The following SLC18A1 variants were observed in gnomAD, a reference collection of about 807,000 sequenced individuals.
SLC18A1 encodes the protein chromaffin granule amine transporter.
SLC18A1 carries 69 observed loss-of-function variants against 53.7 expected under a neutral mutation model. The observed-to-expected ratio is 1.28, with a 90% CI of 1.06 to 1.57. SLC18A1 has a LOEUF of 1.57. Among genes scored for constraint, SLC18A1 ranks in the 40% most tolerant of loss-of-function variants. The probability of loss-of-function intolerance (pLI) is 0.00; values close to 1 mark genes in which losing one functional copy is unlikely to be tolerated. For missense variants in SLC18A1, 932 were observed against 668.1 expected (o/e 1.40, Z -4.35); for synonymous variants, 320 against 248.1 (o/e 1.29, Z -2.72).
At chr8:20,170,912 A>G (rs2072098098) in intron 8 of SLC18A1, among the ~76,000 whole-genome samples, 191 bp downstream of exon 8, 1 of 152,200 alleles carries the variant, frequency 6.6e-6, no homozygotes, top group Non-Finnish European at 1.5e-5. Flanking sequence ...TTTGTCCAAC[A>G]TCAAGCCAAA....
At chr8:20,165,814 C>A (rs930484141) in intron 8 of SLC18A1, among the ~76,000 whole-genome samples, 1 of 152,128 alleles carries the variant, frequency 6.6e-6, no homozygotes, top group African/African-American at 2.4e-5. Context: ...TTAAATGGCT[C>A]CTTCTTTTCT....
intron 4 of SLC18A1, chr8:20,175,484 C>T (rs144554312): frequency 4.1e-4 from 63 of 152,250 alleles, no homozygotes; most frequent in African/African-American, 1.2e-3. Context: ...GCAGTAAAGA[C>T]AAGTGTGAGA....
At chr8:20,167,665 G>C (rs908328174) in intron 8 of SLC18A1, among the ~76,000 whole-genome samples, 39 of 151,948 alleles carry the variant, frequency 2.6e-4, no homozygotes, top group African/African-American at 9.2e-4. Context: ...CTGTAGCCCA[G>C]ACTGGAGTGC....
Position 20,145,717 on chromosome 8 carries a change from G to A in SLC18A1, c.*46C>T, listed in dbSNP as rs1341127017. 3 of 1,247,366 alleles carry A rather than the reference G, an allele frequency of 2.4e-6. No homozygotes were observed. Among genetic ancestry groups the A allele is most frequent in the African/African-American group, 3.0e-5 (2 of 67,348 alleles). 77.3% of individuals were successfully genotyped at this position (1,247,366 alleles called of 1,614,324 possible). On this transcript the variant is annotated 3_prime_UTR_variant, in exon 16 of 16. Coordinates refer to ENST00000276373, the MANE Select transcript of SLC18A1 (RefSeq NM_003053.4). ...CCATGGTGATCTGGTCCCAGGGAAA[G>A]AGGTGGTCACTGAGGCATCATGAAT... is the stretch of plus-strand genomic sequence containing the variant.
intron 1 of SLC18A1, chr8:20,181,990 C>G (rs1447155790): frequency 1.3e-5 from 2 of 152,178 alleles, no homozygotes; most frequent in Admixed American, 1.3e-4. Flanking sequence ...GATTAGTTCT[C>G]TATTCAGGAT....
intron 10 of SLC18A1, among the ~76,000 whole-genome samples, chr8:20,157,526 C>A (rs1423499462): frequency 6.6e-6 from 1 of 152,172 alleles, no homozygotes; most frequent in Non-Finnish European, 1.5e-5. Context: ...CTATGAATTA[C>A]TCAGTGATAT....
At chr8:20,163,717 A>C (rs1205615024) in intron 10 of SLC18A1, among the ~76,000 whole-genome samples, 1 of 152,186 alleles carries the variant, frequency 6.6e-6, no homozygotes, top group Non-Finnish European at 1.5e-5. Flanking sequence ...TCAGAGTTTT[A>C]ACAAGCTCTC....
At position 20,171,131 on chromosome 8, in the gene SLC18A1, A is replaced by G; in HGVS notation, c.830T>C (p.Ile277Thr). The part of the protein sequence containing the change: ...ALLDGALQLC[I>T]LQPSKVSPES... ...AGGAGAGACTTTGGAAGGCTGTAGGATGCAAAGCTGGAGTGCTAAGAAACA... is the reference window on the plus strand; with the variant it reads ...AGGAGAGACTTTGGAAGGCTGTAGGGTGCAAAGCTGGAGTGCTAAGAAACA... The change falls in exon 8 of 16, where the codon ATC (isoleucine) becomes ACC (threonine). Residue 277 changes from isoleucine to threonine, a missense_variant. Ile to Thr is a moderately conservative substitution (Grantham distance 89). Transcript: ENST00000276373. 1.2e-6 allele frequency: 2 copies of G among 1,614,216 alleles called. No individual in the cohort carries two copies. Among genetic ancestry groups the G allele is most frequent in the Non-Finnish European group, 1.7e-6 (2 of 1,180,020 alleles).
At chr8:20,169,712 C>T (rs2072061956) in intron 8 of SLC18A1, among the ~76,000 whole-genome samples, 1 of 152,158 alleles carries the variant, frequency 6.6e-6, no homozygotes, top group East Asian at 1.9e-4. Context: ...AATCCTGTCT[C>T]TACTAAAAAC....
intron 10 of SLC18A1, among the ~76,000 whole-genome samples, chr8:20,158,364 A>T (rs1013251714): frequency 6.6e-6 from 1 of 152,170 alleles, no homozygotes; most frequent in African/African-American, 2.4e-5. Flanking sequence ...CTTCTTTGTT[A>T]AGGAGAGACA....
intron 15 of SLC18A1, among the ~76,000 whole-genome samples, chr8:20,146,322 A>G (rs894893692): frequency 1.3e-5 from 2 of 152,142 alleles, no homozygotes; most frequent in African/African-American, 2.4e-5. Context: ...GACCCTCTGC[A>G]TGTACATGCA....
chr8:20,164,966 T>G lies in SLC18A1; in HGVS notation c.920-2A>C. 1 of 1,613,952 alleles carries G rather than the reference T, an allele frequency of 6.2e-7. No individual in the cohort carries two copies. Among genetic ancestry groups the G allele is most frequent in the South Asian group, 1.1e-5 (1 of 91,060 alleles). On this transcript the variant is annotated splice_acceptor_variant, in intron 9 of 15. Coordinates refer to ENST00000276373, the MANE Select transcript of SLC18A1 (RefSeq NM_003053.4). LOFTEE classifies it high-confidence loss of function. ...CCATGTTGGCAAAGCAGATGGACCC[T>G]GGGGAGACTGTTCTGTGAGCAGCCG...
intron 8 of SLC18A1, among the ~76,000 whole-genome samples, chr8:20,169,923 A>G (rs1344725300): frequency 6.6e-6 from 1 of 152,194 alleles, no homozygotes; most frequent in African/African-American, 2.4e-5. Context: ...TGGAATCTCA[A>G]GCTGGATTTA....
In SLC18A1 at chr8:20,148,302, A is replaced by T. The variant is rs140329972; in HGVS notation, c.1147-232T>A. 857 of 596,984 alleles carry T rather than the reference A, an allele frequency of 1.4e-3. 6 individuals carry two copies. Among genetic ancestry groups the T allele is most frequent in the Middle Eastern group, 3.9e-3 (14 of 3,570 alleles). The allele number at this position is 596,984 out of a possible 1,614,324, so 37.0% of individuals were successfully genotyped here. On this transcript the variant is annotated intron_variant, in intron 12 of 15. Coordinates refer to ENST00000276373, the MANE Select transcript of SLC18A1 (RefSeq NM_003053.4). ...TTTATTGCTCTATCCAGAGTTACAG[A>T]TCTAATGAGTGGCAAGATCAAGTTT...
intron 10 of SLC18A1, among the ~76,000 whole-genome samples, chr8:20,151,495 G>T (rs1268907209): frequency 6.6e-6 from 1 of 152,174 alleles, no homozygotes; most frequent in African/African-American, 2.4e-5. Context: ...CTATTTCTCT[G>T]AGAGGGATCT....
chr8:20,145,730 A>G lies in SLC18A1; in HGVS notation c.*33T>C. ...GTCCCAGGGAAAGAGGTGGTCACTG[A>G]GGCATCATGAATTCAAGGAGCACCT... On this transcript the variant is annotated 3_prime_UTR_variant, in exon 16 of 16. Transcript: ENST00000276373. 1 of 1,390,188 alleles carries G rather than the reference A, an allele frequency of 7.2e-7. No individual in the cohort carries two copies. The highest frequency in any genetic ancestry group is 1.4e-5 in the African/African-American group (1 of 70,380). The allele number at this position is 1,390,188 out of a possible 1,614,324, so 86.1% of individuals were successfully genotyped here. A position where few individuals can be genotyped will look rare whatever the true frequency, so the allele number is the denominator to read the frequency against.
chr8:20,165,185 A>G (rs1027323735), intron 8 of SLC18A1, 78 bp from the exon 9 acceptor site: 3 of 1,259,182 alleles, frequency 2.4e-6, no homozygotes, highest in African/African-American at 2.9e-5. Flanking sequence ...CTGAGAAAGT[A>G]CAATTATGGG....
chr8:20,161,512 C>T lies in SLC18A1; in HGVS notation c.1015+3357G>A, dbSNP rs575377986. Among the ~76,000 whole-genome samples, 14 of 152,194 alleles carry T rather than the reference C, an allele frequency of 9.2e-5. No individual in the cohort carries two copies. In the South Asian group the frequency reaches 2.9e-3, roughly 32 times the overall value. ...TACGTGTGTAGATTATATGCAAATA[C>T]GATGCCATTCTATGTAAGGGACTTG... On this transcript the variant is annotated intron_variant, in intron 10 of 15. Transcript: ENST00000276373.
At chr8:20,174,953 T>C (rs1343746372) in intron 4 of SLC18A1, among the ~76,000 whole-genome samples, 3 of 152,244 alleles carry the variant, frequency 2.0e-5, no homozygotes, top group Admixed American at 6.5e-5. Flanking sequence ...GATCCTTTTT[T>C]ATATCTTATA....
Sources: gnomAD v4.1 joint callset for allele counts (sites outside exome capture counted in the v4.1 genomes callset) on GRCh38, gnomAD v4.1.1 for gene constraint, MANE v1.5 for transcripts, NCBI Gene and HGNC (gene_info 2026-07-23, HGNC 2026-07-21) for gene names.